Variants in IGSF9 observed in about 807,000 individuals in gnomAD.
IGSF9 encodes the protein immunoglobulin superfamily member 9, also known as protein turtle homolog A.
A neutral mutation model predicts 121.7 loss-of-function variants in IGSF9; 87 were observed. That is an observed-to-expected ratio of 0.71 (90% CI 0.60 to 0.85). IGSF9 has a LOEUF of 0.85. Among genes scored for constraint, IGSF9 ranks in the 40% least tolerant of loss-of-function variants. The pLI, the probability that IGSF9 is intolerant of heterozygous loss-of-function variation, is 0.00. For synonymous variants in IGSF9, 640 were observed against 648.4 expected (o/e 0.99, Z 0.20); for missense variants, 1,462 against 1,565.3 (o/e 0.93, Z 1.11).
At position 159,931,483 on chromosome 1, in the gene IGSF9, C is replaced by T. The variant is rs1175763426; in HGVS notation, c.1483G>A (p.Val495Met). The T allele has an allele frequency of 3.1e-6, 5 of 1,613,956 alleles. No individual in the cohort carries two copies. Among genetic ancestry groups the T allele is most frequent in the East Asian group, 2.2e-5 (1 of 44,884 alleles). ...ACGTAGACGTTCGTGGAGGTGGCCA[C>T]TCGGGCCACAGCATTGCTGGCACTG... The part of the protein sequence containing the change: ...ECSASNAVAR[V>M]ATSTNVYVLG... The change falls in exon 12 of 21, where the codon GTG (valine) becomes ATG (methionine). Residue 495 changes from valine to methionine, a missense_variant. Physicochemically the swap from Val to Met is conservative, Grantham distance 21. Transcript: ENST00000368094. This position sits in a 1 kb window ranked among gnomAD's most constrained non-coding sequence, Gnocchi z 4.8.
At position 159,937,815 on chromosome 1, in the gene IGSF9, C is replaced by T; in HGVS notation, c.271G>A (p.Ala91Thr). Residue 91 changes from alanine to threonine, a missense_variant, in exon 4 of 21, where the codon GCC becomes ACC. This residue lies in a region of IGSF9 where 558 missense variants were observed against 599.4 expected (regional missense o/e 0.93). Coordinates refer to ENST00000368094, the MANE Select transcript of IGSF9 (RefSeq NM_001135050.2). ...CGGAGACCCTCAATCTGGAGAGAGG[C>T]CCCCTTCTGCAGCCGGACTCGTCCT... is the stretch of plus-strand genomic sequence containing the variant. ...YVGRVRLQKG[A>T]SLQIEGLRVE... 1.9e-6 allele frequency: 3 copies of T among 1,613,948 alleles called. No individual in the cohort carries two copies. The highest frequency in any genetic ancestry group is 1.1e-5 in the South Asian group (1 of 91,074).
In IGSF9 at chr1:159,928,827, A is replaced by G; in HGVS notation, c.2561T>C (p.Val854Ala). 2 of 1,528,030 alleles carry G rather than the reference A, an allele frequency of 1.3e-6. No homozygotes were observed. Among genetic ancestry groups the G allele is most frequent in the African/African-American group, 1.4e-5 (1 of 71,836 alleles). The allele number at this position is 1,528,030 out of a possible 1,614,324, so 94.7% of individuals were successfully genotyped here. The change falls in exon 19 of 21, where the codon GTG (valine) becomes GCG (alanine). Residue 854 changes from valine to alanine, a missense_variant. By Grantham distance (64) the Val-to-Ala change is moderately conservative. Coordinates refer to ENST00000368094, the MANE Select transcript of IGSF9 (RefSeq NM_001135050.2). ...GGGGGCCGCCACAGTGGGCCCCATC[A>G]CAAAGCGCCCGTCTGGGCCCCGGCA... ...PICRGPDGRF[V>A]MGPTVAAPQE...
intron 9 of IGSF9, 107 bp downstream of exon 9, chr1:159,934,083 T>A (rs530930143): frequency 1.4e-5 from 18 of 1,255,184 alleles, no homozygotes; most frequent in Non-Finnish European, 2.0e-5. Context: ...ACAAAAGATG[T>A]GTGTCCCCAG....
At position 159,929,757 on chromosome 1, in the gene IGSF9, A is replaced by C. The variant is rs754077645; in HGVS notation, c.2207T>G (p.Leu736Arg). The C allele has an allele frequency of 2.5e-6, 4 of 1,606,062 alleles. No homozygotes were observed. The highest frequency in any genetic ancestry group is 2.2e-5 in the South Asian group (2 of 89,518). ...QLPGLLPQPV[L>R]AGVVGGVCFL... Reference sequence around the variant, plus strand: ...GCAGACTCCGCCCACCACGCCGGCCAGCACGGGCTGAGGCAGGAGGCCCGG... The same window carrying C: ...GCAGACTCCGCCCACCACGCCGGCCCGCACGGGCTGAGGCAGGAGGCCCGG... Residue 736 changes from leucine to arginine, a missense_variant, in exon 17 of 21, where the codon CTG (leucine) becomes CGG (arginine). Around this residue, in one of 3 missense-constraint regions of IGSF9, gnomAD observed 808 missense variants for 815.2 expected, o/e 0.99. Transcript: ENST00000368094.
intron 1 of IGSF9, 124 bp downstream of exon 1, chr1:159,945,449 C>A (rs996964928): frequency 3.7e-4 from 57 of 152,460 alleles, no homozygotes; most frequent in African/African-American, 1.3e-3. Flanking sequence ...CCCCAGAACT[C>A]CCCTAGTTCT....
intron 14 of IGSF9, 79 bp from the exon 15 acceptor site, chr1:159,930,518 AC>A: frequency 6.6e-7 from 1 of 1,516,594 alleles, no homozygotes; most frequent in Non-Finnish European, 8.8e-7. Flanking sequence ...CCAGTGCCCA[AC>A]TCTTCTCCCA....
intron 3 of IGSF9, among the ~76,000 whole-genome samples, chr1:159,940,775 TTTTTATC>T (rs1413020711): frequency 1.1e-4 from 16 of 152,170 alleles, no homozygotes; most frequent in African/African-American, 3.6e-4. Flanking sequence ...AGGTCACTGA[TTTTTATC>T]AAACAACTCA....
rs1247584070 is a variant in IGSF9, at chr1:159,927,093, C to CAGAGAGAG, written c.*251_*252insCTCTCTCT. The stretch of plus-strand genomic sequence containing the variant: ...AAAAAACTTCACACACACACACACA[C>CAGAGAGAG]ACACAGAGAGAGAGAGAGAGAGAGA... On this transcript the variant is annotated 3_prime_UTR_variant, in exon 21 of 21. Coordinates refer to ENST00000368094, the MANE Select transcript of IGSF9 (RefSeq NM_001135050.2). The CAGAGAGAG allele has an allele frequency of 1.3e-5, 7 of 535,866 alleles. No homozygotes were observed. The East Asian group carries it at 1.6e-4, about 12-fold the overall frequency. 33.2% of individuals were successfully genotyped at this position (535,866 alleles called of 1,614,324 possible).
Position 159,929,719 on chromosome 1 carries a change from C to G in IGSF9, c.2245G>C (p.Ala749Pro). The change falls in exon 17 of 21, where the codon GCC becomes CCC. Residue 749 changes from alanine to proline, a missense_variant. Transcript: ENST00000368094. ...CCGGCCAGGATGCTCACAAGGACGGCCACTCCCAGAAAGCAGACTCCGCCC... is the reference window on the plus strand; with the variant it reads ...CCGGCCAGGATGCTCACAAGGACGGGCACTCCCAGAAAGCAGACTCCGCCC... ...VVGGVCFLGV[A>P]VLVSILAGCL... The G allele has an allele frequency of 2.5e-6, 4 of 1,601,540 alleles. No homozygotes were observed. The highest frequency in any genetic ancestry group is 3.4e-6 in the Non-Finnish European group (4 of 1,175,070).
Position 159,934,205 on chromosome 1 carries a change from G to A in IGSF9, c.1089C>T (p.Ala363=). 1.2e-6 allele frequency: 2 copies of A among 1,613,586 alleles called. No homozygotes were observed. Among genetic ancestry groups the A allele is most frequent in the Non-Finnish European group, 1.7e-6 (2 of 1,179,816 alleles). Residue 363 remains alanine (A), a synonymous_variant, in exon 9 of 21, where the codon GCC becomes GCT. Transcript: ENST00000368094. ...LFVSWTKDGK[A]LQLDKFPGWS... is the part of the protein sequence containing the mutation. ...AAGCCTGTACCTTGTCCAGCTGCAG[G>A]GCCTTTCCATCCTTGGTCCAGCTGA...
chr1:159,930,935 A>G, intron 13 of IGSF9, 68 bp from the exon 14 acceptor site: 1 of 1,481,150 alleles, frequency 6.8e-7, no homozygotes. Flanking sequence ...GGGTCCAGAG[A>G]TCTAACCACC....
At chr1:159,937,863 G>T in intron 3 of IGSF9, 25 bp from the exon 4 acceptor site, 2 of 1,605,470 alleles carry the variant, frequency 1.2e-6, no homozygotes, top group East Asian at 2.2e-5. Context: ...CTGAATCAAG[G>T]GTGCTGAAGG....
Position 159,937,714 on chromosome 1 carries a change from G to C in IGSF9, c.372C>G (p.Asn124Lys), listed in dbSNP as rs374216610. The C allele has an allele frequency of 9.9e-6, 16 of 1,613,942 alleles. No individual in the cohort carries two copies. In the South Asian group the frequency reaches 1.8e-4, roughly 18 times the overall value. Residue 124 changes from asparagine (N) to lysine (K), a missense_variant, in exon 4 of 21, where the codon AAC becomes AAG. Asn to Lys is a moderately conservative substitution (Grantham distance 94). This residue lies in a region of IGSF9 where 558 missense variants were observed against 599.4 expected (regional missense o/e 0.93). Transcript: ENST00000368094. ...DQHIPEDDFA[N>K]GSWVHLTVNS... ...TGACTGTCAGATGCACCCAGGAGCC[G>C]TTAGCAAAATCGTCTTCAGGGATGT...
Position 159,934,334 on chromosome 1 carries a change from TG to T in IGSF9, c.962-3del. 2 of 1,587,328 alleles carry T rather than the reference TG, an allele frequency of 1.3e-6. No homozygotes were observed. Among genetic ancestry groups the T allele is most frequent in the African/African-American group, 1.3e-5 (1 of 74,504 alleles). The stretch of plus-strand genomic sequence containing the variant: ...GCATAGCTGTCACCTGGGCTGGGTC[TG>T]GGGGAAAGTAGTGGCAAGTTGGGGG... On this transcript the variant is annotated splice_polypyrimidine_tract_variant and splice_region_variant and intron_variant, in intron 8 of 20. Coordinates refer to ENST00000368094, the MANE Select transcript of IGSF9 (RefSeq NM_001135050.2).
In IGSF9 at chr1:159,929,703, A is replaced by T. The variant is rs1650907554; in HGVS notation, c.2261T>A (p.Ile754Asn). The change falls in exon 17 of 21, where the codon ATC (isoleucine) becomes AAC (asparagine). Residue 754 changes from isoleucine to asparagine, a missense_variant. By Grantham distance (149) the Ile-to-Asn change is moderately radical (BLOSUM62 -3). Coordinates refer to ENST00000368094, the MANE Select transcript of IGSF9 (RefSeq NM_001135050.2). ...CCGGTTCAGGAGGCAGCCGGCCAGG[A>T]TGCTCACAAGGACGGCCACTCCCAG... Reference protein sequence around the residue: ...CFLGVAVLVSILAGCLLNRRR... With the variant: ...CFLGVAVLVSNLAGCLLNRRR... 1 of 1,599,858 alleles carries T rather than the reference A, an allele frequency of 6.3e-7. No homozygotes were observed. Among genetic ancestry groups the T allele is most frequent in the South Asian group, 1.1e-5 (1 of 88,654 alleles).
At chr1:159,935,367 G>C (rs1032852996) in intron 6 of IGSF9, among the ~76,000 whole-genome samples, 23 of 152,212 alleles carry the variant, frequency 1.5e-4, no homozygotes, top group African/African-American at 5.5e-4. Context: ...GGACCCCTGC[G>C]ATCCAAACCC....
chr1:159,928,662 G>T lies in IGSF9; in HGVS notation c.2726C>A (p.Pro909His). The change falls in exon 19 of 21, where the codon CCT (proline) becomes CAT (histidine). Residue 909 changes from proline (P) to histidine (H), a missense_variant. Physicochemically the swap from Pro to His is moderately conservative, Grantham distance 77. Transcript: ENST00000368094. The part of the protein sequence containing the change: ...CIEDISPVAP[P>H]PAAPPSPLPG... ...CAAGGGACTGGGTGGGGCTGCTGGA[G>T]GGGGTGCCACAGGGCTGATGTCTTC... The T allele has an allele frequency of 6.8e-7, 1 of 1,478,786 alleles. No individual in the cohort carries two copies. The allele number at this position is 1,478,786 out of a possible 1,614,324, so 91.6% of individuals were successfully genotyped here. A position where few individuals can be genotyped will look rare whatever the true frequency, so the allele number is the denominator to read the frequency against.
In IGSF9 at chr1:159,936,380, C is replaced by T; in HGVS notation, c.673+19G>A. 1 of 1,606,242 alleles carries T rather than the reference C, an allele frequency of 6.2e-7. No individual in the cohort carries two copies. The highest frequency in any genetic ancestry group is 8.5e-7 in the Non-Finnish European group (1 of 1,173,208). On this transcript the variant is annotated intron_variant, in intron 6 of 20. Transcript: ENST00000368094. ...TTGCATAGGTAACCCTGGACCCCAG[C>T]CCTCCCGCCAGAGAGCACCTAGCAC...
Position 159,943,151 on chromosome 1 carries a change from C to T in IGSF9, c.59G>A (p.Gly20Asp), listed in dbSNP as rs1463827734. 1 of 1,584,420 alleles carries T rather than the reference C, an allele frequency of 6.3e-7. No individual in the cohort carries two copies. Among genetic ancestry groups the T allele is most frequent in the African/African-American group, 1.4e-5 (1 of 73,198 alleles). ...LSLVISQGAD[G>D]RGKPEVVSVV... is the part of the protein sequence containing the mutation. ...CGATACCACCTCAGGCTTCCCTCGA[C>T]CTGCATGATGGGTGGCATGAGGGCA... Residue 20 changes from glycine to aspartate, a missense_variant and splice_region_variant, in exon 3 of 21, where the codon GGT (glycine) becomes GAT (aspartate). By Grantham distance (94) the Gly-to-Asp change is moderately conservative. Transcript: ENST00000368094.
Sources: gnomAD v4.1 joint callset for allele counts (sites outside exome capture counted in the v4.1 genomes callset) on GRCh38, gnomAD v4.1.1 for gene constraint, gnomAD v4.1.1 regional missense constraint, Gnocchi (gnomAD v3.1) non-coding constraint, MANE v1.5 for transcripts, NCBI Gene and HGNC (gene_info 2026-07-23, HGNC 2026-07-21) for gene names.